CELF4: variants seen among roughly 807,000 people sequenced by gnomAD.
CELF4 encodes CUGBP Elav-like family member 4, also known as CUG-BP- and ETR-3-like factor 4.
CELF4 carries 18 observed loss-of-function variants against 59.9 expected under a neutral mutation model. The observed-to-expected ratio is 0.30, with a 90% CI of 0.21 to 0.45. The LOEUF (loss-of-function observed/expected upper bound fraction) is 0.45. Among genes scored for constraint, CELF4 ranks in the 20% least tolerant of loss-of-function variants. CELF4 has a pLI of 1.00. For synonymous variants in CELF4, 261 were observed against 267.1 expected (o/e 0.98, Z 0.22); for missense variants, 456 against 689.0 (o/e 0.66, Z 3.79).
intron 2 of CELF4, among the ~76,000 whole-genome samples, chr18:37,468,925 G>A (rs2099815007): frequency 6.6e-6 from 1 of 152,100 alleles, no homozygotes; most frequent in African/African-American, 2.4e-5. Flanking sequence ...GGGGATTATG[G>A]GTATTATAAT....
intron 2 of CELF4, among the ~76,000 whole-genome samples, chr18:37,402,445 GCCCCTTCTCTAA>G (rs2099341280): frequency 6.6e-6 from 1 of 152,106 alleles, no homozygotes. Flanking sequence ...CCAGGGAGCT[GCCCCTTCTCTAA>G]CCCCTTTGAG....
chr18:37,268,024 T>C (rs554630485), intron 8 of CELF4, among the ~76,000 whole-genome samples: 1 of 151,920 alleles, frequency 6.6e-6, no homozygotes, highest in East Asian at 1.9e-4. Context: ...GCAACAATTG[T>C]GAAACTCTGT....
Position 37,541,810 on chromosome 18 carries a change from C to T in CELF4, c.286+23546G>A, listed in dbSNP as rs998129493. ...CGCCATGTCTGCTTGTTGTTTGGAT[C>T]TTGGCTTCACTGTCAGTTCCTCAGA... On this transcript the variant is annotated intron_variant, in intron 1 of 12. Transcript: ENST00000420428. Among the ~76,000 whole-genome samples the T allele has an allele frequency of 2.6e-5, 4 of 152,214 alleles. No homozygotes were observed. The South Asian group carries it at 8.3e-4, about 32-fold the overall frequency.
intron 2 of CELF4, among the ~76,000 whole-genome samples, chr18:37,328,335 G>A (rs962699583): frequency 6.6e-6 from 1 of 152,226 alleles, no homozygotes; most frequent in African/African-American, 2.4e-5. Flanking sequence ...GCCCCGCAGG[G>A]AGCTGGGGAG....
intron 2 of CELF4, among the ~76,000 whole-genome samples, chr18:37,403,065 AAGG>A (rs2099348571): frequency 6.6e-6 from 1 of 151,770 alleles, no homozygotes; most frequent in Non-Finnish European, 1.5e-5. Context: ...GGAGGAAGGG[AAGG>A]AGGAGGTGGC....
intron 2 of CELF4, among the ~76,000 whole-genome samples, chr18:37,344,081 T>C (rs550137322): frequency 6.6e-6 from 1 of 152,344 alleles, no homozygotes; most frequent in African/African-American, 2.4e-5. Context: ...TGATCACCCA[T>C]TGCCTAGGAC....
chr18:37,318,744 G>A (rs2096965424), intron 3 of CELF4, among the ~76,000 whole-genome samples: 1 of 151,990 alleles, frequency 6.6e-6, no homozygotes, highest in South Asian at 2.1e-4. Context: ...TTAGCATCTT[G>A]GAGTCAGAGA....
chr18:37,472,135 G>A (rs980128560), intron 2 of CELF4, among the ~76,000 whole-genome samples: 1 of 152,244 alleles, frequency 6.6e-6, no homozygotes, highest in African/African-American at 2.4e-5. Context: ...GGGGGATTGT[G>A]CAAACCATGA....
chr18:37,354,109 CT>C (rs1443838689), intron 2 of CELF4, among the ~76,000 whole-genome samples: 2 of 152,060 alleles, frequency 1.3e-5, no homozygotes, highest in East Asian at 3.9e-4. Flanking sequence ...TGAGTTTTTA[CT>C]TTTTTCCCTT....
At chr18:37,505,013 T>G (rs1464494763) in intron 1 of CELF4, among the ~76,000 whole-genome samples, 1 of 152,154 alleles carries the variant, frequency 6.6e-6, no homozygotes, top group Non-Finnish European at 1.5e-5. Flanking sequence ...GAGCCCATCC[T>G]CCTCCAGCCA....
At chr18:37,396,516 G>C (rs1467680267) in intron 2 of CELF4, among the ~76,000 whole-genome samples, 9 of 152,302 alleles carry the variant, frequency 5.9e-5, no homozygotes, top group African/African-American at 1.9e-4. Flanking sequence ...AGGGATAAAA[G>C]CTGATGAGGT....
chr18:37,564,495 T>G (rs2099987541), intron 1 of CELF4, among the ~76,000 whole-genome samples: 2 of 152,180 alleles, frequency 1.3e-5, no homozygotes, highest in African/African-American at 4.8e-5. Flanking sequence ...AAGCACTCAC[T>G]GGCAATGATC....
intron 2 of CELF4, among the ~76,000 whole-genome samples, chr18:37,334,643 C>G (rs539726767): frequency 2.2e-4 from 33 of 152,216 alleles, no homozygotes; most frequent in African/African-American, 7.2e-4. Context: ...CCACTCCCCC[C>G]GGACTGTGGA....
chr18:37,489,301 C>T (rs1187291084), intron 1 of CELF4, among the ~76,000 whole-genome samples: 1 of 152,244 alleles, frequency 6.6e-6, no homozygotes, highest in African/African-American at 2.4e-5. Context: ...GACCAGTCTG[C>T]TCCCTGGCTG....
intron 2 of CELF4, among the ~76,000 whole-genome samples, chr18:37,484,626 C>G (rs2099877061): frequency 6.6e-6 from 1 of 152,226 alleles, no homozygotes; most frequent in South Asian, 2.1e-4. Context: ...GCTGCCCCCG[C>G]CCGGGGTTGC....
At position 37,485,383 on chromosome 18, in the gene CELF4, G is replaced by T. The variant is rs1216657264; in HGVS notation, c.369+142C>A. On this transcript the variant is annotated intron_variant, in intron 2 of 12. Transcript: ENST00000420428. ...GGACGGCCGAGAGCCCAGGGATTTG[G>T]GGGGGCGCGCGGGCTCCCGAGCTCA... 6.1e-5 allele frequency: 13 copies of T among 212,328 alleles called. No homozygotes were observed. In the South Asian group the frequency reaches 1.7e-3, roughly 28 times the overall value. 13.2% of individuals were successfully genotyped at this position (212,328 alleles called of 1,614,324 possible).
intron 1 of CELF4, among the ~76,000 whole-genome samples, chr18:37,531,662 T>A (rs1021650536): frequency 2.0e-5 from 3 of 152,092 alleles, no homozygotes; most frequent in African/African-American, 7.2e-5. Context: ...GAACCAATAG[T>A]GTCTTTGGAG....
At chr18:37,279,182 T>C (rs1234876658) in intron 3 of CELF4, among the ~76,000 whole-genome samples, 1 of 152,106 alleles carries the variant, frequency 6.6e-6, no homozygotes, top group South Asian at 2.1e-4. Context: ...GCCTGTTGCT[T>C]CCCATAGTCG....
chr18:37,426,963 TAAA>T (rs550664681), intron 2 of CELF4, among the ~76,000 whole-genome samples: 5 of 102,482 alleles, frequency 4.9e-5, no homozygotes, highest in South Asian at 7.5e-4. Context: ...TTACAAGGAG[TAAA>T]AAAAAAAAAA....
Sources: gnomAD v4.1 joint callset for allele counts (sites outside exome capture counted in the v4.1 genomes callset) on GRCh38, gnomAD v4.1.1 for gene constraint, MANE v1.5 for transcripts, NCBI Gene and HGNC (gene_info 2026-07-23, HGNC 2026-07-21) for gene names.